Variants in GALNT7 observed in about 807,000 individuals in gnomAD.
GALNT7 encodes the protein polypeptide N-acetylgalactosaminyltransferase 7, also known as N-acetylgalactosaminyltransferase 7.
In GALNT7, 60 loss-of-function variants were observed where a neutral mutation model predicts 82.1. The ratio of observed to expected loss-of-function variants is 0.73; its 90% CI spans 0.59 to 0.91. The LOEUF (loss-of-function observed/expected upper bound fraction) is 0.91. Ranked by LOEUF, GALNT7 falls within the 40% of genes least tolerant of loss-of-function variation. The pLI is 0.00. For synonymous variants in GALNT7, 243 were observed against 275.1 expected, an observed-to-expected ratio of 0.88 and a Z score of 1.15; for missense variants, 660 against 804.2, an observed-to-expected ratio of 0.82 and a Z score of 2.17.
At chr4:173,275,806 A>G (rs1239338313) in intron 2 of GALNT7, among the ~76,000 whole-genome samples, 4 of 152,182 alleles carry the variant, frequency 2.6e-5, no homozygotes, top group Non-Finnish European at 5.9e-5. Context: ...GGAACTAGGG[A>G]TGCTTGTCTT....
At chr4:173,232,602 TA>T (rs1264617772) in intron 1 of GALNT7, among the ~76,000 whole-genome samples, 1 of 151,902 alleles carries the variant, frequency 6.6e-6, no homozygotes, top group East Asian at 1.9e-4. Flanking sequence ...CCTGCTGATT[TA>T]AAAAAAATTT....
chr4:173,294,948 GA>G (rs2126834250), intron 3 of GALNT7, among the ~76,000 whole-genome samples: 1 of 152,172 alleles, frequency 6.6e-6, no homozygotes, highest in South Asian at 2.1e-4. Flanking sequence ...AGATGTCCCA[GA>G]AAAAAATGTT....
At chr4:173,251,921 T>A (rs573379858) in intron 2 of GALNT7, among the ~76,000 whole-genome samples, 55 of 152,354 alleles carry the variant, frequency 3.6e-4, no homozygotes, top group African/African-American at 1.3e-3. Context: ...GAAACTTTTT[T>A]AAACTGAATC....
chr4:173,234,515 A>C (rs9685946), intron 1 of GALNT7, among the ~76,000 whole-genome samples: 63,019 of 152,020 alleles, frequency 0.41, 14,412 homozygotes, highest in East Asian at 0.66. Context: ...ATAAGTTACA[A>C]ATCTTAAAGT....
chr4:173,216,999 G>A (rs1733492935), intron 1 of GALNT7, among the ~76,000 whole-genome samples: 1 of 151,564 alleles, frequency 6.6e-6, no homozygotes, highest in African/African-American at 2.4e-5. Context: ...CCAAAGTGCT[G>A]GGATTACAGG....
At chr4:173,171,932 A>G (rs1731888842) in intron 1 of GALNT7, among the ~76,000 whole-genome samples, 1 of 152,250 alleles carries the variant, frequency 6.6e-6, no homozygotes, top group Non-Finnish European at 1.5e-5. Context: ...ATTTGGTCAT[A>G]AAAGCCTTAC....
intron 2 of GALNT7, among the ~76,000 whole-genome samples, chr4:173,287,411 C>A (rs954009296): frequency 3.3e-5 from 5 of 152,226 alleles, no homozygotes; most frequent in African/African-American, 1.2e-4. Flanking sequence ...TTGGGGCTTG[C>A]CCCGAGTGAA....
chr4:173,172,289 G>T, intron 1 of GALNT7, among the ~76,000 whole-genome samples: 1 of 152,210 alleles, frequency 6.6e-6, no homozygotes, highest in Non-Finnish European at 1.5e-5. Context: ...GCGGGGAGGG[G>T]CTGCCTGCAG....
intron 2 of GALNT7, among the ~76,000 whole-genome samples, chr4:173,265,748 CAT>C (rs1735463760): frequency 6.7e-6 from 1 of 148,676 alleles, no homozygotes; most frequent in Non-Finnish European, 1.5e-5. Flanking sequence ...ATTTCTTCCA[CAT>C]GTCTTTTCAG....
At chr4:173,173,243 C>CTT (rs749088078) in intron 1 of GALNT7, among the ~76,000 whole-genome samples, 2 of 141,140 alleles carry the variant, frequency 1.4e-5, no homozygotes. Context: ...TTATGGGAAG[C>CTT]TTTTTTTTTT....
chr4:173,303,966 C>A, intron 7 of GALNT7, 30 bp from the exon 8 acceptor site: 1 of 1,578,184 alleles, frequency 6.3e-7, no homozygotes, highest in Non-Finnish European at 8.6e-7. Flanking sequence ...GTATTTGAAA[C>A]AACTTTCACA....
chr4:173,279,271 G>A (rs757050039), intron 2 of GALNT7, among the ~76,000 whole-genome samples: 5 of 152,118 alleles, frequency 3.3e-5, no homozygotes, highest in Admixed American at 6.5e-5. Context: ...GTGAGACTGA[G>A]AGCAAGAGAG....
At chr4:173,319,677 C>T (rs897087255) in intron 11 of GALNT7, among the ~76,000 whole-genome samples, 3 of 152,066 alleles carry the variant, frequency 2.0e-5, no homozygotes, top group Admixed American at 6.6e-5. Context: ...ATTTTAAAGA[C>T]GCAGCACTGA....
intron 1 of GALNT7, among the ~76,000 whole-genome samples, chr4:173,194,396 A>T (rs1732712721): frequency 6.6e-6 from 1 of 152,336 alleles, no homozygotes; most frequent in Admixed American, 6.5e-5. Flanking sequence ...TATTGCATTT[A>T]AAAAAATGTT....
intron 1 of GALNT7, among the ~76,000 whole-genome samples, chr4:173,180,430 C>G (rs1732208204): frequency 6.7e-6 from 1 of 148,874 alleles, no homozygotes; most frequent in South Asian, 2.1e-4. Context: ...CAGGTTCAAG[C>G]AATTCTCCTG....
chr4:173,271,761 G>C (rs1735734743), intron 2 of GALNT7, among the ~76,000 whole-genome samples: 1 of 152,066 alleles, frequency 6.6e-6, no homozygotes, highest in Admixed American at 6.6e-5. Context: ...CTGGCCCCAA[G>C]TAGTATATTT....
At chr4:173,307,053 G>T (rs1303135223) in intron 8 of GALNT7, among the ~76,000 whole-genome samples, 4 of 152,222 alleles carry the variant, frequency 2.6e-5, no homozygotes, top group Non-Finnish European at 5.9e-5. Context: ...ACCAAGGTCA[G>T]TGTTGGCAAA....
intron 1 of GALNT7, among the ~76,000 whole-genome samples, chr4:173,208,783 G>A (rs1470371198): frequency 6.6e-6 from 1 of 152,202 alleles, no homozygotes; most frequent in Admixed American, 6.5e-5. Context: ...GCCATCTTGA[G>A]CTGAACATTG....
rs545419507 is a variant in GALNT7 at position 173,232,264 on chromosome 4, A to G, written c.127-15716A>G. Among the ~76,000 whole-genome samples, 29 of 151,926 alleles carry G rather than the reference A, an allele frequency of 1.9e-4. No homozygotes were observed. In the South Asian group the frequency reaches 4.6e-3, roughly 24 times the overall value. ...TTTGAGCCTGGTTAGGGAGACTTTCAGTCTCTTAAAAAAAAAAAATCCCTG... is the reference window on the plus strand; with the variant it reads ...TTTGAGCCTGGTTAGGGAGACTTTCGGTCTCTTAAAAAAAAAAAATCCCTG... On this transcript the variant is annotated intron_variant, in intron 1 of 11. Transcript: ENST00000265000.
Sources: allele counts gnomAD v4.1 joint callset (sites outside exome capture counted in the v4.1 genomes callset), GRCh38; gene constraint gnomAD v4.1.1; transcripts MANE v1.5; gene names NCBI Gene and HGNC (gene_info 2026-07-23, HGNC 2026-07-21).